The following NFILZ variants were observed in gnomAD, a reference collection of about 807,000 sequenced individuals.
NFILZ encodes NFIL3 like basic leucine zipper.
chr19:8,667,537 T>C (rs1555749935), intron 3 of NFILZ, among the ~76,000 whole-genome samples: 1 of 152,162 alleles, frequency 6.6e-6, no homozygotes, highest in African/African-American at 2.4e-5. Context: ...TCCTCCCAAA[T>C]ATTTATTTAT....
intron 3 of NFILZ, among the ~76,000 whole-genome samples, chr19:8,638,270 TTGG>T (rs1335073541): frequency 3.9e-5 from 6 of 152,076 alleles, no homozygotes; most frequent in Non-Finnish European, 8.8e-5. Flanking sequence ...ACTTATCCTG[TTGG>T]TGGTGGAATT....
chr19:8,652,899 C>G (rs1370311836), intron 3 of NFILZ, among the ~76,000 whole-genome samples: 2 of 148,100 alleles, frequency 1.4e-5, no homozygotes, highest in African/African-American at 5.0e-5. Flanking sequence ...TCCTTTCTTT[C>G]CCTCCCTCCT....
intron 3 of NFILZ, among the ~76,000 whole-genome samples, chr19:8,671,304 G>C (rs1186063279): frequency 6.6e-6 from 1 of 152,118 alleles, no homozygotes; most frequent in African/African-American, 2.4e-5. Flanking sequence ...TGCGACCACA[G>C]GAAGGCCCAG....
intron 3 of NFILZ, among the ~76,000 whole-genome samples, chr19:8,664,025 G>A (rs2043050087): frequency 6.6e-6 from 1 of 152,138 alleles, no homozygotes. Context: ...GCCAGAGACT[G>A]TGGGCTCCAA....
At chr19:8,640,302 T>C (rs1555746542) in intron 3 of NFILZ, among the ~76,000 whole-genome samples, 3 of 145,620 alleles carry the variant, frequency 2.1e-5, no homozygotes, top group Non-Finnish European at 3.0e-5. Context: ...CAAGAACCTA[T>C]TGTTCCTGCT....
In NFILZ at chr19:8,656,337, C is replaced by CT. The variant is rs2042996253; in HGVS notation, c.-163-18214_-163-18213insT. On this transcript the variant is annotated intron_variant, in intron 3 of 5. Coordinates refer to ENST00000691075, the MANE Select transcript of NFILZ (RefSeq NM_001378600.1). ...ACCTCCTCCCTGAAGCCCCCTTCTT[C>CT]CTGAAGCCCACCTCTTCCCTGAAGC... 3.4e-5 allele frequency among the ~76,000 whole-genome samples: 2 copies of CT among 59,238 alleles called. 1 individual carries two copies. Among genetic ancestry groups the CT allele is most frequent in the Non-Finnish European group, 8.8e-5 (2 of 22,846 alleles). The allele number at this position is 59,238 out of a possible 152,430, so 38.9% of individuals were successfully genotyped here. A position where few individuals can be genotyped will look rare whatever the true frequency, so the allele number is the denominator to read the frequency against.
At chr19:8,657,023 T>G (rs1473840173) in intron 3 of NFILZ, among the ~76,000 whole-genome samples, 2 of 151,726 alleles carry the variant, frequency 1.3e-5, no homozygotes, top group Admixed American at 1.3e-4. Context: ...TGTAAGGATT[T>G]GGGGTGCAGT....
At chr19:8,656,601 C>T (rs1799610) in intron 3 of NFILZ, among the ~76,000 whole-genome samples, 33,242 of 151,656 alleles carry the variant, frequency 0.22, 4,203 homozygotes, top group Middle Eastern at 0.37. Context: ...TTTACTTCTA[C>T]GGGTGCAGCC....
intron 3 of NFILZ, among the ~76,000 whole-genome samples, chr19:8,641,738 G>A (rs2146139821): frequency 6.6e-6 from 1 of 152,260 alleles, no homozygotes; most frequent in Middle Eastern, 3.4e-3. Context: ...GCAAAGCCAG[G>A]ATAATAATAG....
In NFILZ at chr19:8,649,397, C is replaced by T. The variant is rs538154522; in HGVS notation, c.-164+13651C>T. On this transcript the variant is annotated intron_variant, in intron 3 of 5. Coordinates refer to ENST00000691075, the MANE Select transcript of NFILZ (RefSeq NM_001378600.1). ...TCTTCTACCTCAGCCTCCTGAGTAG[C>T]TGGGATTACAGGTGCATGCCATCAC... 3.9e-5 allele frequency among the ~76,000 whole-genome samples: 6 copies of T among 152,170 alleles called. No homozygotes were observed. The East Asian group carries it at 9.7e-4, about 24-fold the overall frequency.
At chr19:8,649,137 A>AT (rs1283341712) in intron 3 of NFILZ, among the ~76,000 whole-genome samples, 5 of 147,478 alleles carry the variant, frequency 3.4e-5, no homozygotes, top group African/African-American at 7.5e-5. Context: ...TGACTTTCGT[A>AT]TTTTTTTTTG....
chr19:8,663,597 AT>A (rs2043042824), intron 3 of NFILZ, among the ~76,000 whole-genome samples: 1 of 151,518 alleles, frequency 6.6e-6, no homozygotes, highest in Non-Finnish European at 1.5e-5. Flanking sequence ...CACGTTGAGT[AT>A]TTGATGCTCG....
intron 3 of NFILZ, among the ~76,000 whole-genome samples, chr19:8,653,553 C>G (rs952082970): frequency 6.6e-6 from 1 of 152,086 alleles, no homozygotes; most frequent in South Asian, 2.1e-4. Flanking sequence ...TTCACAATTG[C>G]AAAGATATGG....
rs1235448674 is a variant in NFILZ at position 8,633,874 on chromosome 19, TCTCC to T, written c.-261+1252_-261+1255del. 5.2e-5 allele frequency among the ~76,000 whole-genome samples: 7 copies of T among 135,092 alleles called. No individual in the cohort carries two copies. The South Asian group carries it at 7.0e-4, about 14-fold the overall frequency. The allele number at this position is 135,092 out of a possible 152,430, so 88.6% of individuals were successfully genotyped here. ...ACTCAGTTATCATTAGTATAACTTT[TCTCC>T]CTTCCTTCCTTCCTTCCTTCCTTCC... On this transcript the variant is annotated intron_variant, in intron 2 of 5. Coordinates refer to ENST00000691075, the MANE Select transcript of NFILZ (RefSeq NM_001378600.1).
intron 3 of NFILZ, among the ~76,000 whole-genome samples, chr19:8,665,351 G>A (rs1295162564): frequency 6.6e-6 from 1 of 152,098 alleles, no homozygotes; most frequent in Non-Finnish European, 1.5e-5. Context: ...AGTAAAAAAT[G>A]GTCTACGTGG....
At chr19:8,659,013 A>G (rs1039767773) in intron 3 of NFILZ, among the ~76,000 whole-genome samples, 9 of 152,068 alleles carry the variant, frequency 5.9e-5, no homozygotes, top group Non-Finnish European at 1.2e-4. Context: ...TGGGAGGCCA[A>G]GCTGGGTGGA....
At chr19:8,668,111 C>T (rs1214224721) in intron 3 of NFILZ, among the ~76,000 whole-genome samples, 1 of 151,938 alleles carries the variant, frequency 6.6e-6, no homozygotes, top group Non-Finnish European at 1.5e-5. Context: ...CCACCGTACC[C>T]AGCTAATTTT....
chr19:8,674,291 G>A lies in NFILZ; in HGVS notation c.-163-260G>A, dbSNP rs548691385. ...CTGCTGCTGACTTACTGTGTGATGT[G>A]AGCAGATGAAAGACCTTCTCTAGAC... On this transcript the variant is annotated intron_variant, in intron 3 of 5. Transcript: ENST00000691075. 2.0e-5 allele frequency among the ~76,000 whole-genome samples: 3 copies of A among 152,270 alleles called. No individual in the cohort carries two copies. The East Asian group carries it at 5.8e-4, about 29-fold the overall frequency.
chr19:8,656,463 T>TC (rs1600147731), intron 3 of NFILZ, among the ~76,000 whole-genome samples: 20 of 82,866 alleles, frequency 2.4e-4, no homozygotes, highest in African/African-American at 5.4e-4. Flanking sequence ...ACCTTCTCTC[T>TC]GAAGCCCACC....
Sources: gnomAD v4.1 joint callset for allele counts (sites outside exome capture counted in the v4.1 genomes callset) on GRCh38, gnomAD v4.1.1 for gene constraint, MANE v1.5 for transcripts, NCBI Gene and HGNC (gene_info 2026-07-23, HGNC 2026-07-21) for gene names.